Variants in STAG1 observed in about 807,000 individuals in gnomAD.
STAG1 encodes the protein cohesin subunit SA-1.
Under a neutral mutation model 170.9 loss-of-function variants are expected in STAG1, and 26 were observed. That is an observed-to-expected ratio of 0.15 (90% CI 0.11 to 0.21). STAG1 has a LOEUF of 0.21. STAG1 is among the 10% of genes least tolerant of loss of function. The pLI is 1.00. For synonymous variants in STAG1, 514 were observed against 497.7 expected (o/e 1.03, Z -0.44); for missense variants, 964 against 1,509.5 (o/e 0.64, Z 5.99).
intron 5 of STAG1, among the ~76,000 whole-genome samples, chr3:136,554,816 G>C (rs1330927491): frequency 6.6e-6 from 1 of 151,962 alleles, no homozygotes. Flanking sequence ...GATCATTTCT[G>C]CCCAGGAGTT....
chr3:136,421,213 T>C (rs1360706386), intron 19 of STAG1, 50 bp from the exon 20 acceptor site: 1 of 1,202,682 alleles, frequency 8.3e-7, no homozygotes, highest in Non-Finnish European at 1.2e-6. Flanking sequence ...CACCTTATAG[T>C]ATATTACTAC....
At chr3:136,602,381 C>CAAA (rs397819185) in intron 4 of STAG1, among the ~76,000 whole-genome samples, 3 of 81,744 alleles carry the variant, frequency 3.7e-5, no homozygotes, top group African/African-American at 5.0e-5. Context: ...CCATCTCAAA[C>CAAA]AAAAAAAAAA....
At chr3:136,519,555 G>A (rs546046130) in intron 7 of STAG1, among the ~76,000 whole-genome samples, 2 of 151,420 alleles carry the variant, frequency 1.3e-5, no homozygotes, top group South Asian at 2.1e-4. Context: ...CCAAATTGCT[G>A]AATTTCCTAT....
At chr3:136,470,020 A>T (rs1418094590) in intron 12 of STAG1, among the ~76,000 whole-genome samples, 2 of 152,214 alleles carry the variant, frequency 1.3e-5, no homozygotes, top group African/African-American at 2.4e-5. Flanking sequence ...TAGACCTAAA[A>T]CCATAAAAAC....
chr3:136,662,249 T>G (rs1044284338), intron 1 of STAG1, among the ~76,000 whole-genome samples: 1 of 151,806 alleles, frequency 6.6e-6, no homozygotes, highest in African/African-American at 2.4e-5. Context: ...CCTCCTGGGT[T>G]CAAACGATTC....
chr3:136,747,118 A>AAAT (rs1934977845), intron 1 of STAG1, among the ~76,000 whole-genome samples: 1 of 137,720 alleles, frequency 7.3e-6, no homozygotes, highest in African/African-American at 2.6e-5. Flanking sequence ...AAAAAAAAAA[A>AAAT]AAAAATTAGC....
At chr3:136,423,659 G>A (rs560012009) in intron 16 of STAG1, among the ~76,000 whole-genome samples, 4 of 152,152 alleles carry the variant, frequency 2.6e-5, no homozygotes, top group Admixed American at 6.5e-5. Flanking sequence ...ATATTAAAAT[G>A]TAAGTTCAGT....
intron 13 of STAG1, among the ~76,000 whole-genome samples, chr3:136,463,746 T>TGC (rs1559817302): frequency 5.0e-5 from 4 of 79,580 alleles, no homozygotes; most frequent in South Asian, 9.2e-4. Flanking sequence ...TGTGTGTGTG[T>TGC]GTGTGTGTGT....
At chr3:136,641,607 G>A (rs1940801612) in intron 1 of STAG1, among the ~76,000 whole-genome samples, 1 of 152,180 alleles carries the variant, frequency 6.6e-6, no homozygotes, top group African/African-American at 2.4e-5. Context: ...TAACTGGCCA[G>A]TATTCTTCAA....
intron 16 of STAG1, among the ~76,000 whole-genome samples, chr3:136,431,237 T>A (rs2088295109): frequency 6.6e-6 from 1 of 151,764 alleles, no homozygotes; most frequent in African/African-American, 2.4e-5. Context: ...CTTGTGGATT[T>A]GTTTTATCAC....
intron 1 of STAG1, among the ~76,000 whole-genome samples, chr3:136,738,880 CAA>C (rs1231920046): frequency 1.3e-5 from 2 of 151,632 alleles, no homozygotes; most frequent in Admixed American, 6.6e-5. Flanking sequence ...ACACATATAC[CAA>C]AGTTATTCAC....
rs765983721 is a variant in STAG1 at position 136,359,128 on chromosome 3, A to G, written c.2936+20T>C. 8 of 1,575,188 alleles carry G rather than the reference A, an allele frequency of 5.1e-6. No homozygotes were observed. The highest frequency in any genetic ancestry group is 4.7e-5 in the South Asian group (4 of 85,538). ...TCAAGTAAATCAGATTCTGCATAAC[A>G]AAGTGTTTATCTCACTCACTTGTGA... On this transcript the variant is annotated intron_variant, in intron 27 of 33. Transcript: ENST00000383202.
At chr3:136,476,063 G>A (rs945708173) in intron 10 of STAG1, among the ~76,000 whole-genome samples, 2 of 152,174 alleles carry the variant, frequency 1.3e-5, no homozygotes, top group South Asian at 4.1e-4. Flanking sequence ...TGAGAATCTT[G>A]AACTCCCCAT....
chr3:136,475,138 C>CTTTTTTTTTTTTTTTTTTTT (rs10686674), intron 10 of STAG1, among the ~76,000 whole-genome samples: 1 of 76,002 alleles, frequency 1.3e-5, no homozygotes, highest in African/African-American at 5.5e-5. Flanking sequence ...TTATAGGTTC[C>CTTTTTTTTTTTTTTTTTTTT]TTTTTTTTTT....
At chr3:136,690,480 G>A (rs957941805) in intron 1 of STAG1, among the ~76,000 whole-genome samples, 1 of 152,192 alleles carries the variant, frequency 6.6e-6, no homozygotes, top group African/African-American at 2.4e-5. Context: ...CACATGATCT[G>A]CCCATCTGGG....
At chr3:136,669,312 T>C (rs1941909251) in intron 1 of STAG1, among the ~76,000 whole-genome samples, 1 of 152,144 alleles carries the variant, frequency 6.6e-6, no homozygotes, top group South Asian at 2.1e-4. Flanking sequence ...ACATTAATGG[T>C]CGTTGTTGTT....
intron 13 of STAG1, 112 bp downstream of exon 13, chr3:136,464,769 A>G: frequency 2.5e-6 from 2 of 802,072 alleles, no homozygotes; most frequent in Non-Finnish European, 2.0e-6. Flanking sequence ...GGAGTATCAG[A>G]TGGACATTTT....
intron 1 of STAG1, among the ~76,000 whole-genome samples, chr3:136,723,105 G>A (rs1306033135): frequency 2.0e-5 from 3 of 152,218 alleles, no homozygotes; most frequent in Non-Finnish European, 2.9e-5. Flanking sequence ...GCCTCTGCCC[G>A]GCCGCAACGC....
chr3:136,404,925 G>A (rs983121412), intron 21 of STAG1, among the ~76,000 whole-genome samples: 25 of 151,722 alleles, frequency 1.6e-4, no homozygotes, highest in African/African-American at 5.6e-4. Context: ...TATAGGACAT[G>A]TTTAAAAACC....
Sources: allele counts gnomAD v4.1 joint callset (sites outside exome capture counted in the v4.1 genomes callset), GRCh38; gene constraint gnomAD v4.1.1; transcripts MANE v1.5; gene names NCBI Gene and HGNC (gene_info 2026-07-23, HGNC 2026-07-21).